DCC: variants seen among roughly 807,000 people sequenced by gnomAD.
DCC encodes netrin receptor DCC.
In DCC, 58 loss-of-function variants were observed where a neutral mutation model predicts 172.5. The ratio of observed to expected loss-of-function variants is 0.34; its 90% CI spans 0.27 to 0.42. The LOEUF (loss-of-function observed/expected upper bound fraction) is 0.42, where lower values mean the gene tolerates loss of function less well. Ranked by LOEUF, DCC falls within the 10% of genes least tolerant of loss-of-function variation. The pLI is 1.00. For missense variants in DCC, 1,740 were observed against 1,791.0 expected (o/e 0.97, Z 0.51); for synonymous variants, 709 against 644.5 (o/e 1.10, Z -1.52).
At chr18:53,241,649 A>G (rs75909244) in intron 12 of DCC, among the ~76,000 whole-genome samples, 134 of 152,310 alleles carry the variant, frequency 8.8e-4, no homozygotes, top group African/African-American at 3.2e-3. Context: ...GCCCAGACAA[A>G]GAACCTCTGA....
intron 17 of DCC, among the ~76,000 whole-genome samples, chr18:53,394,234 A>C (rs968328586): frequency 6.6e-6 from 1 of 152,194 alleles, no homozygotes; most frequent in Non-Finnish European, 1.5e-5. Context: ...TCTCATCTAT[A>C]TGATGGAAAT....
At chr18:52,656,857 T>A (rs1024694247) in intron 1 of DCC, among the ~76,000 whole-genome samples, 1 of 152,072 alleles carries the variant, frequency 6.6e-6, no homozygotes, top group African/African-American at 2.4e-5. Context: ...TACAAATATA[T>A]CCTTACTGCT....
intron 1 of DCC, among the ~76,000 whole-genome samples, chr18:52,429,696 A>C (rs1987556367): frequency 6.6e-6 from 1 of 152,194 alleles, no homozygotes; most frequent in Non-Finnish European, 1.5e-5. Context: ...TTGTCATTCC[A>C]TCAGAATAAC....
chr18:53,051,702 C>A (rs1321090841), intron 5 of DCC, among the ~76,000 whole-genome samples: 1 of 152,046 alleles, frequency 6.6e-6, no homozygotes, highest in Non-Finnish European at 1.5e-5. Flanking sequence ...TTCCCTTTCA[C>A]TTCTTGTAGA....
At chr18:52,392,047 G>C (rs753167180) in intron 1 of DCC, among the ~76,000 whole-genome samples, 2 of 152,162 alleles carry the variant, frequency 1.3e-5, no homozygotes, top group Non-Finnish European at 2.9e-5. Context: ...TCAAATCTGC[G>C]TTATGAGGCG....
intron 5 of DCC, among the ~76,000 whole-genome samples, chr18:52,996,106 C>G (rs562260361): frequency 6.6e-6 from 1 of 152,048 alleles, no homozygotes; most frequent in African/African-American, 2.4e-5. Flanking sequence ...AAGAAGACTA[C>G]GTCATTAGGA....
At chr18:53,036,318 A>G (rs2042091493) in intron 5 of DCC, among the ~76,000 whole-genome samples, 1 of 152,058 alleles carries the variant, frequency 6.6e-6, no homozygotes, top group South Asian at 2.1e-4. Context: ...CAATTTGAGT[A>G]TCTTGCAAAA....
intron 2 of DCC, among the ~76,000 whole-genome samples, chr18:52,867,768 T>C (rs866184146): frequency 1.3e-5 from 2 of 152,168 alleles, no homozygotes; most frequent in African/African-American, 4.8e-5. Flanking sequence ...CTTATGACCC[T>C]ATAGCGTTCT....
At chr18:52,590,229 T>G (rs928203815) in intron 1 of DCC, among the ~76,000 whole-genome samples, 1 of 152,106 alleles carries the variant, frequency 6.6e-6, no homozygotes, top group African/African-American at 2.4e-5. Flanking sequence ...TGGTGCAATT[T>G]TTTTCAAGCT....
At chr18:53,178,038 G>C (rs2055135668) in intron 8 of DCC, among the ~76,000 whole-genome samples, 2 of 152,142 alleles carry the variant, frequency 1.3e-5, no homozygotes, top group Non-Finnish European at 2.9e-5. Flanking sequence ...AGAAGCAAGA[G>C]ATATTATCTA....
At chr18:53,416,040 T>C in intron 20 of DCC, 84 bp from the exon 21 acceptor site, 1 of 1,010,542 alleles carries the variant, frequency 9.9e-7, no homozygotes, top group South Asian at 1.3e-5. Flanking sequence ...AAAAACTTAC[T>C]AAAAAGAACT....
In DCC at chr18:53,251,422, T is replaced by A. The variant is rs187961300; in HGVS notation, c.1911+35825T>A. 8.9e-4 allele frequency among the ~76,000 whole-genome samples: 135 copies of A among 152,130 alleles called. 1 individual carries two copies. The highest frequency in any genetic ancestry group is 2.9e-3 in the African/African-American group (120 of 41,550). On this transcript the variant is annotated intron_variant, in intron 12 of 28. Transcript: ENST00000442544. Reference sequence around the variant, plus strand: ...TAGAATTAAGCCATTTAAATGGAAATGAGCATTGTGTTATGTCCTATGGAT... The same window carrying A: ...TAGAATTAAGCCATTTAAATGGAAAAGAGCATTGTGTTATGTCCTATGGAT...
chr18:53,404,558 T>C (rs1972046), intron 19 of DCC, among the ~76,000 whole-genome samples: 100,535 of 151,352 alleles, frequency 0.66, 36,583 homozygotes, highest in Non-Finnish European at 0.82. Context: ...GGTGAAACCC[T>C]GTCTCTACTA....
At chr18:53,478,443 A>T (rs2045793012) in intron 25 of DCC, among the ~76,000 whole-genome samples, 1 of 152,184 alleles carries the variant, frequency 6.6e-6, no homozygotes, top group African/African-American at 2.4e-5. Flanking sequence ...GGAACTAGGA[A>T]GGATATAGAT....
intron 12 of DCC, among the ~76,000 whole-genome samples, chr18:53,234,845 T>C (rs532410535): frequency 1.1e-4 from 16 of 152,344 alleles, no homozygotes; most frequent in African/African-American, 3.6e-4. Context: ...TGTTCTGTAA[T>C]TATTGATTTA....
At chr18:53,525,172 G>C (rs1202459328) in intron 27 of DCC, among the ~76,000 whole-genome samples, 1 of 151,988 alleles carries the variant, frequency 6.6e-6, no homozygotes, top group African/African-American at 2.4e-5. Flanking sequence ...GGCCAAGACA[G>C]GTTCAGTTGA....
chr18:53,053,905 T>C (rs971828547), intron 5 of DCC, among the ~76,000 whole-genome samples: 6 of 152,138 alleles, frequency 3.9e-5, no homozygotes, highest in Admixed American at 3.3e-4. Flanking sequence ...TGTATATGTA[T>C]GGATATATAT....
chr18:52,527,844 A>G (rs1287013597), intron 1 of DCC, among the ~76,000 whole-genome samples: 2 of 152,230 alleles, frequency 1.3e-5, no homozygotes, highest in Admixed American at 6.5e-5. Context: ...GGTCAAGAGC[A>G]TCTAGCCTCT....
chr18:52,546,945 G>A (rs768398862), intron 1 of DCC, among the ~76,000 whole-genome samples: 1 of 152,110 alleles, frequency 6.6e-6, no homozygotes, highest in Non-Finnish European at 1.5e-5. Flanking sequence ...GCAGCTAATA[G>A]AGATATACTC....
Sources: gnomAD v4.1 joint callset for allele counts (sites outside exome capture counted in the v4.1 genomes callset) on GRCh38, gnomAD v4.1.1 for gene constraint, MANE v1.5 for transcripts, NCBI Gene and HGNC (gene_info 2026-07-23, HGNC 2026-07-21) for gene names.